KLHDC8A: variants seen among roughly 807,000 people sequenced by gnomAD.
KLHDC8A encodes kelch domain containing 8A.
Under a neutral mutation model 33.1 loss-of-function variants are expected in KLHDC8A, and 21 were observed. That is an observed-to-expected ratio of 0.64 (90% CI 0.45 to 0.91). The LOEUF is 0.91. KLHDC8A is among the 40% of genes least tolerant of loss of function. The pLI, the probability that KLHDC8A is intolerant of heterozygous loss-of-function variation, is 0.00. For synonymous variants in KLHDC8A, 173 were observed against 193.5 expected (o/e 0.89, Z 0.88); for missense variants, 435 against 483.3 (o/e 0.90, Z 0.94).
chr1:205,338,345 G>A (rs1662690915), intron 5 of KLHDC8A, 150 bp downstream of exon 5: 2 of 628,022 alleles, frequency 3.2e-6, no homozygotes, highest in Non-Finnish European at 5.7e-6. Flanking sequence ...ATCTAGGCTG[G>A]AAGAAAGGGA....
At chr1:205,341,935 C>T (rs1662802772) in intron 2 of KLHDC8A, among the ~76,000 whole-genome samples, 1 of 152,222 alleles carries the variant, frequency 6.6e-6, no homozygotes, top group Admixed American at 6.5e-5. Context: ...AGGCGTGAGC[C>T]ACCGCGCCCG....
At position 205,343,726 on chromosome 1, in the gene KLHDC8A, A is replaced by G. The variant is rs1173852348; in HGVS notation, c.-122T>C. The G allele has an allele frequency of 3.7e-6, 4 of 1,083,680 alleles. No individual in the cohort carries two copies. Among genetic ancestry groups the G allele is most frequent in the East Asian group, 2.6e-5 (1 of 38,108 alleles). The allele number at this position is 1,083,680 out of a possible 1,614,324, so 67.1% of individuals were successfully genotyped here. On this transcript the variant is annotated 5_prime_UTR_variant, in exon 2 of 6. Transcript: ENST00000367155. ...CATCTGGCTCCCGAGCGCCGGACCC[A>G]GCCAGACCCCGGCCAGTGCTTCACC...
intron 1 of KLHDC8A, among the ~76,000 whole-genome samples, chr1:205,352,965 C>A (rs893529128): frequency 6.6e-6 from 1 of 152,232 alleles, no homozygotes; most frequent in Admixed American, 6.5e-5. Context: ...CTGCCCCCCA[C>A]GAGGAACCAC....
intron 1 of KLHDC8A, among the ~76,000 whole-genome samples, chr1:205,345,506 A>C (rs1169169885): frequency 6.6e-6 from 1 of 152,122 alleles, no homozygotes; most frequent in Non-Finnish European, 1.5e-5. Flanking sequence ...GGGAGTCCCA[A>C]GCAGGCAGAT....
At chr1:205,343,130 C>T in intron 2 of KLHDC8A, 99 bp downstream of exon 2, 1 of 1,478,092 alleles carries the variant, frequency 6.8e-7, no homozygotes. Context: ...TGGCACTAAA[C>T]TCCACAGCCC....
At chr1:205,342,012 T>A (rs1662807017) in intron 2 of KLHDC8A, among the ~76,000 whole-genome samples, 1 of 152,208 alleles carries the variant, frequency 6.6e-6, no homozygotes, top group African/African-American at 2.4e-5. Context: ...AGCCCCAGCA[T>A]CTGGCACAAT....
At chr1:205,347,444 A>T (rs968534518) in intron 1 of KLHDC8A, among the ~76,000 whole-genome samples, 1 of 152,140 alleles carries the variant, frequency 6.6e-6, no homozygotes, top group African/African-American at 2.4e-5. Flanking sequence ...TTTACGCTGG[A>T]TGTGGTGGCT....
Position 205,336,136 on chromosome 1 carries a change from G to C in KLHDC8A, c.*1263C>G, listed in dbSNP as rs1662623912. On this transcript the variant is annotated 3_prime_UTR_variant, in exon 6 of 6. Coordinates refer to ENST00000367155, the MANE Select transcript of KLHDC8A (RefSeq NM_018203.3). ...TCATCATTTATTTTAAAAATAACTGGGAGTCAGAAACAGATGCTAAGAGGA... is the reference window on the plus strand; with the variant it reads ...TCATCATTTATTTTAAAAATAACTGCGAGTCAGAAACAGATGCTAAGAGGA... 6.6e-6 allele frequency: 1 copy of C among 152,128 alleles called. No individual in the cohort carries two copies. Among genetic ancestry groups the C allele is most frequent in the African/African-American group, 2.4e-5 (1 of 41,428 alleles). The allele number at this position is 152,128 out of a possible 1,614,324, so 9.4% of individuals were successfully genotyped here.
In KLHDC8A at chr1:205,338,537, C is replaced by T; in HGVS notation, c.817G>A (p.Ala273Thr). ...ATGACCCGTCCACTCAGAGAGCCAG[C>T]CACAAAATCTGCCCGCCGCTTCTTG... ...FLKKRRADFVAGSLSGRVIVA... is the reference protein window; with the variant it reads ...FLKKRRADFVTGSLSGRVIVA... The change falls in exon 5 of 6, where the codon GCT (alanine) becomes ACT (threonine). Residue 273 changes from alanine to threonine, a missense_variant. Ala to Thr is a moderately conservative substitution (Grantham distance 58, BLOSUM62 0). Coordinates refer to ENST00000367155, the MANE Select transcript of KLHDC8A (RefSeq NM_018203.3). The T allele has an allele frequency of 6.2e-7, 1 of 1,614,202 alleles. No homozygotes were observed. The highest frequency in any genetic ancestry group is 1.1e-5 in the South Asian group (1 of 91,082).
intron 1 of KLHDC8A, among the ~76,000 whole-genome samples, chr1:205,352,170 G>A (rs1663131671): frequency 6.6e-6 from 1 of 152,142 alleles, no homozygotes. Flanking sequence ...GCTTCTCCCA[G>A]CAGGCCTTGA....
chr1:205,339,119 T>G lies in KLHDC8A; in HGVS notation c.757+75A>C. The G allele has an allele frequency of 7.9e-7, 1 of 1,259,468 alleles. No homozygotes were observed. The highest frequency in any genetic ancestry group is 1.1e-6 in the Non-Finnish European group (1 of 877,902). 78.0% of individuals were successfully genotyped at this position (1,259,468 alleles called of 1,614,324 possible). A position where few individuals can be genotyped will look rare whatever the true frequency, so the allele number is the denominator to read the frequency against. ...AAACGGCCCTGGAAGATGGCTGGAA[T>G]AGGGGTAAGGGATGGGGAGCCAGCC... On this transcript the variant is annotated intron_variant, in intron 4 of 5. Transcript: ENST00000367155. The surrounding 1 kb of genome is among the most constrained non-coding windows in gnomAD (Gnocchi z 5.1).
At chr1:205,351,234 C>T (rs1343117010) in intron 1 of KLHDC8A, 7 of 801,610 alleles carry the variant, frequency 8.7e-6, no homozygotes, top group Admixed American at 1.7e-5. Context: ...TGTGAGCCCG[C>T]GGAGTATACA....
intron 1 of KLHDC8A, among the ~76,000 whole-genome samples, chr1:205,349,193 T>C (rs10751435): frequency 0.56 from 84,539 of 152,066 alleles, 24,026 homozygotes; most frequent in Admixed American, 0.66. Context: ...GATCTGTATG[T>C]GATCATGTGG....
At chr1:205,349,410 C>T (rs767428824) in intron 1 of KLHDC8A, among the ~76,000 whole-genome samples, 3 of 152,178 alleles carry the variant, frequency 2.0e-5, no homozygotes, top group Non-Finnish European at 4.4e-5. Flanking sequence ...TGCATCTGTT[C>T]ATCTGTAAGC....
In KLHDC8A at chr1:205,343,712, C is replaced by T. The variant is rs1662863879; in HGVS notation, c.-108G>A. 20 of 1,265,390 alleles carry T rather than the reference C, an allele frequency of 1.6e-5. No homozygotes were observed. The highest frequency in any genetic ancestry group is 2.8e-5 in the Admixed American group (1 of 35,294). 78.4% of individuals were successfully genotyped at this position (1,265,390 alleles called of 1,614,324 possible). ...CCTATCGCCACCTCCATCTGGCTCC[C>T]GAGCGCCGGACCCAGCCAGACCCCG... On this transcript the variant is annotated 5_prime_UTR_variant, in exon 2 of 6. Transcript: ENST00000367155.
At chr1:205,354,011 A>G (rs939121248) in intron 1 of KLHDC8A, among the ~76,000 whole-genome samples, 3 of 152,234 alleles carry the variant, frequency 2.0e-5, no homozygotes, top group Admixed American at 2.0e-4. Context: ...CCATGATTCT[A>G]AGATGACCAC....
rs12120074 is a variant in KLHDC8A at position 205,350,844 on chromosome 1, C to T, written c.-190+5689G>A. ...GTGTGCATGCATGTGTGTGCGCGCA[C>T]GCATGTGTGTGTGCATGTGTGTGTG... On this transcript the variant is annotated intron_variant, in intron 1 of 5. Coordinates refer to ENST00000367155, the MANE Select transcript of KLHDC8A (RefSeq NM_018203.3). Among the ~76,000 whole-genome samples, 17 of 52,648 alleles carry T rather than the reference C, an allele frequency of 3.2e-4. No individual in the cohort carries two copies. The East Asian group carries it at 3.5e-3, about 11-fold the overall frequency. 34.5% of individuals were successfully genotyped at this position (52,648 alleles called of 152,430 possible). A position where few individuals can be genotyped will look rare whatever the true frequency, so the allele number is the denominator to read the frequency against.
At position 205,337,086 on chromosome 1, in the gene KLHDC8A, G is replaced by C. The variant is rs181361794; in HGVS notation, c.*313C>G. 3 of 350,838 alleles carry C rather than the reference G, an allele frequency of 8.6e-6. No homozygotes were observed. Among genetic ancestry groups the C allele is most frequent in the African/African-American group, 2.2e-5 (1 of 46,244 alleles). The allele number at this position is 350,838 out of a possible 1,614,324, so 21.7% of individuals were successfully genotyped here. A position where few individuals can be genotyped will look rare whatever the true frequency, so the allele number is the denominator to read the frequency against. Reference sequence around the variant, plus strand: ...TACCTGCCTCCTGGAGATGGGGGTGGGGGGAGGTGGGACTCACAGGAGGGA... The same window carrying C: ...TACCTGCCTCCTGGAGATGGGGGTGCGGGGAGGTGGGACTCACAGGAGGGA... On this transcript the variant is annotated 3_prime_UTR_variant, in exon 6 of 6. Transcript: ENST00000367155.
chr1:205,348,958 C>T (rs1663019755), intron 1 of KLHDC8A, among the ~76,000 whole-genome samples: 1 of 152,172 alleles, frequency 6.6e-6, no homozygotes, highest in Admixed American at 6.5e-5. Context: ...TCATTCCTAA[C>T]CAGAAGCATG....
Sources: allele counts gnomAD v4.1 joint callset (sites outside exome capture counted in the v4.1 genomes callset), GRCh38; gene constraint gnomAD v4.1.1; non-coding constraint Gnocchi (gnomAD v3.1); transcripts MANE v1.5; gene names NCBI Gene and HGNC (gene_info 2026-07-23, HGNC 2026-07-21).